FGF14: variants seen among roughly 807,000 people sequenced by gnomAD.
FGF14 encodes the protein fibroblast growth factor homologous factor 4.
Under a neutral mutation model 25.5 loss-of-function variants are expected in FGF14, and 5 were observed. That is an observed-to-expected ratio of 0.20 (90% confidence interval 0.10 to 0.41). FGF14 has a LOEUF of 0.41. FGF14 is among the 10% of genes least tolerant of loss of function. FGF14 has a pLI of 1.00. For missense variants in FGF14, 222 were observed against 320.1 expected (o/e 0.69, Z 2.34); for synonymous variants, 138 against 118.3 (o/e 1.17, Z -1.08).
intron 1 of FGF14, among the ~76,000 whole-genome samples, chr13:102,008,358 A>G (rs1299712639): frequency 1.3e-5 from 2 of 152,212 alleles, no homozygotes; most frequent in African/African-American, 4.8e-5. Context: ...ACCTTTATTA[A>G]AAGTCATTTC....
rs141925978 is a variant in FGF14 at position 102,179,328 on chromosome 13, T to TC, written c.208+222142dup. 4.8e-3 allele frequency among the ~76,000 whole-genome samples: 726 copies of TC among 152,224 alleles called. 5 individuals carry two copies. Among genetic ancestry groups the TC allele is most frequent in the African/African-American group, 0.016 (683 of 41,554 alleles). On this transcript the variant is annotated intron_variant, in intron 1 of 4. Transcript: ENST00000376131. ...AGAAATGGTCCCAGACCTGAACCCC[T>TC]CTTCAGTCACTTCGTTCACTCCTGG...
At chr13:102,149,427 C>G (rs2046987296) in intron 1 of FGF14, among the ~76,000 whole-genome samples, 1 of 152,118 alleles carries the variant, frequency 6.6e-6, no homozygotes, top group Admixed American at 6.5e-5. Flanking sequence ...CAACTACACA[C>G]AGTACTGTGA....
intron 1 of FGF14, among the ~76,000 whole-genome samples, chr13:102,084,345 G>A (rs1019468969): frequency 2.0e-5 from 3 of 152,102 alleles, no homozygotes; most frequent in African/African-American, 7.2e-5. Context: ...TTGGGTCACA[G>A]TCATATGCCC....
Position 102,277,363 on chromosome 13 carries a change from C to T in FGF14, c.208+124108G>A, listed in dbSNP as rs151149164. Among the ~76,000 whole-genome samples the T allele has an allele frequency of 5.4e-4, 81 of 150,414 alleles. 1 individual carries two copies. The highest frequency in any genetic ancestry group is 6.9e-4 in the Non-Finnish European group (47 of 68,022). ...CTCACTGTCCTAAAGGAGAGAATGT[C>T]CCCCTCTCAGCTATCTCTGGGAAGT... On this transcript the variant is annotated intron_variant, in intron 1 of 4. Coordinates refer to the FGF14 transcript ENST00000376131.
chr13:102,101,969 C>T (rs1412479133), intron 1 of FGF14, among the ~76,000 whole-genome samples: 1 of 152,144 alleles, frequency 6.6e-6, no homozygotes, highest in Non-Finnish European at 1.5e-5. Flanking sequence ...TCCCAAAGTG[C>T]TGGGATTACA....
intron 3 of FGF14, among the ~76,000 whole-genome samples, chr13:101,837,084 C>A (rs926849580): frequency 6.6e-6 from 1 of 151,890 alleles, no homozygotes; most frequent in Non-Finnish European, 1.5e-5. Context: ...TTAGGCATGT[C>A]GTGTTCATTA....
At chr13:102,312,046 C>T (rs1181950879) in intron 1 of FGF14, among the ~76,000 whole-genome samples, 2 of 152,016 alleles carry the variant, frequency 1.3e-5, no homozygotes, top group African/African-American at 4.8e-5. Flanking sequence ...TTAGCTGGGC[C>T]GCTAAGAACT....
At chr13:102,109,358 T>C (rs971842674) in intron 1 of FGF14, among the ~76,000 whole-genome samples, 10 of 152,120 alleles carry the variant, frequency 6.6e-5, no homozygotes, top group African/African-American at 2.2e-4. Context: ...AAAGCATGAC[T>C]GTAGTAATAA....
chr13:102,340,201 G>T, intron 1 of FGF14, among the ~76,000 whole-genome samples: 2 of 152,238 alleles, frequency 1.3e-5, no homozygotes, highest in East Asian at 3.9e-4. Flanking sequence ...CTTTCCAGTT[G>T]CAATGTTTTC....
At chr13:102,192,738 T>C (rs1017184243) in intron 1 of FGF14, among the ~76,000 whole-genome samples, 4 of 152,190 alleles carry the variant, frequency 2.6e-5, no homozygotes, top group African/African-American at 9.6e-5. Context: ...CCAAGTGCTA[T>C]GTCACTTTAT....
chr13:102,369,417 G>A (rs1016314021), intron 1 of FGF14, among the ~76,000 whole-genome samples: 1 of 152,186 alleles, frequency 6.6e-6, no homozygotes. Context: ...TACAGGTGTG[G>A]TGTCTCAAAC....
At chr13:101,743,828 A>T (rs1214685193) in intron 3 of FGF14, among the ~76,000 whole-genome samples, 1 of 152,080 alleles carries the variant, frequency 6.6e-6, no homozygotes, top group Non-Finnish European at 1.5e-5. Flanking sequence ...ATATTTAAAG[A>T]GGGTTTACAA....
intron 1 of FGF14, among the ~76,000 whole-genome samples, chr13:102,068,651 G>A (rs1444049331): frequency 1.3e-5 from 2 of 152,338 alleles, no homozygotes; most frequent in South Asian, 4.1e-4. Context: ...GGGTCCCCCA[G>A]CAGTGCCAGC....
intron 1 of FGF14, among the ~76,000 whole-genome samples, chr13:102,264,426 C>T (rs1367769113): frequency 2.6e-5 from 4 of 152,132 alleles, no homozygotes; most frequent in Non-Finnish European, 5.9e-5. Flanking sequence ...ACCACTTCAG[C>T]TGATTGAGTT....
At chr13:102,275,997 T>C (rs1362654303) in intron 1 of FGF14, among the ~76,000 whole-genome samples, 1 of 152,066 alleles carries the variant, frequency 6.6e-6, no homozygotes, top group Non-Finnish European at 1.5e-5. Context: ...CTTGAGCTAC[T>C]TCTCTACTAC....
chr13:101,884,934 C>T (rs181685134), intron 1 of FGF14, among the ~76,000 whole-genome samples: 93 of 151,904 alleles, frequency 6.1e-4, no homozygotes, highest in African/African-American at 2.2e-3. Context: ...TTCTTAGGGG[C>T]TTGACTATGA....
upstream of FGF14, among the ~76,000 whole-genome samples, chr13:101,919,947 A>G (rs2033876472): frequency 6.6e-6 from 1 of 152,156 alleles, no homozygotes; most frequent in South Asian, 2.1e-4. Flanking sequence ...CAGGAGCCTC[A>G]AGCGGTCATT....
intron 1 of FGF14, among the ~76,000 whole-genome samples, chr13:102,062,831 G>A (rs2042747214): frequency 6.6e-6 from 1 of 152,152 alleles, no homozygotes; most frequent in Non-Finnish European, 1.5e-5. Flanking sequence ...TACTAAAAAA[G>A]TGAAAGCTAT....
intron 3 of FGF14, among the ~76,000 whole-genome samples, chr13:101,797,770 T>C (rs867294690): frequency 2.3e-4 from 33 of 144,036 alleles, no homozygotes; most frequent in African/African-American, 5.4e-4. Flanking sequence ...TGTGTGTGTG[T>C]GTGTGTGTGT....
Sources: allele counts gnomAD v4.1 joint callset (sites outside exome capture counted in the v4.1 genomes callset), GRCh38; gene constraint gnomAD v4.1.1; transcripts MANE v1.5; gene names NCBI Gene and HGNC (gene_info 2026-07-23, HGNC 2026-07-21).